CLASP1: variants seen among roughly 807,000 people sequenced by gnomAD.
The protein encoded by CLASP1 is CLIP-associating protein 1.
A neutral mutation model predicts 192.3 loss-of-function variants in CLASP1; 38 were observed. The ratio of observed to expected loss-of-function variants is 0.20; its 90% CI spans 0.15 to 0.26. The LOEUF is 0.26. CLASP1 is among the 10% of genes least tolerant of loss of function. The pLI, the probability that CLASP1 is intolerant of heterozygous loss-of-function variation, is 1.00. For missense variants in CLASP1, 1,433 were observed against 1,932.5 expected (o/e 0.74, Z 4.85); for synonymous variants, 691 against 712.8 (o/e 0.97, Z 0.49).
At chr2:121,564,651 T>C (rs189019423) in intron 2 of CLASP1, among the ~76,000 whole-genome samples, 31 of 152,252 alleles carry the variant, frequency 2.0e-4, no homozygotes, top group African/African-American at 7.2e-4. Flanking sequence ...AAGCACACAT[T>C]TTCATCAACT....
At chr2:121,620,069 A>G (rs1329890415) in intron 1 of CLASP1, among the ~76,000 whole-genome samples, 1 of 151,938 alleles carries the variant, frequency 6.6e-6, no homozygotes, top group African/African-American at 2.4e-5. Context: ...TAAAAATATG[A>G]AAAGTAGCCG....
At chr2:121,528,193 G>A (rs2104690982) in intron 4 of CLASP1, among the ~76,000 whole-genome samples, 1 of 152,302 alleles carries the variant, frequency 6.6e-6, no homozygotes, top group Middle Eastern at 3.4e-3. Context: ...AAAGGAGCTA[G>A]TGAGTTGCCA....
At chr2:121,350,840 G>A (rs758845930) in intron 37 of CLASP1, among the ~76,000 whole-genome samples, 1 of 152,144 alleles carries the variant, frequency 6.6e-6, no homozygotes, top group African/African-American at 2.4e-5. Context: ...CTCTCAGGGC[G>A]GTAAGATAAT....
chr2:121,427,669 A>G (rs879782820), intron 20 of CLASP1, among the ~76,000 whole-genome samples: 6 of 152,238 alleles, frequency 3.9e-5, no homozygotes, highest in Non-Finnish European at 7.3e-5. Flanking sequence ...ACAATGTGCC[A>G]GGCTCACATC....
At chr2:121,341,774 C>T (rs1245733431) in intron 39 of CLASP1, among the ~76,000 whole-genome samples, 1 of 152,206 alleles carries the variant, frequency 6.6e-6, no homozygotes, top group Non-Finnish European at 1.5e-5. Context: ...GATAAACCAA[C>T]TTGATCTAAC....
chr2:121,569,600 C>A (rs1304772500), intron 2 of CLASP1, among the ~76,000 whole-genome samples: 1 of 152,164 alleles, frequency 6.6e-6, no homozygotes, highest in African/African-American at 2.4e-5. Context: ...CACCTGTAAT[C>A]CCAGCACTTT....
intron 2 of CLASP1, among the ~76,000 whole-genome samples, chr2:121,582,657 G>A (rs1172030886): frequency 6.6e-6 from 1 of 151,430 alleles, no homozygotes; most frequent in African/African-American, 2.4e-5. Flanking sequence ...GGGAGAGAGA[G>A]GGAGAAAGTC....
intron 39 of CLASP1, among the ~76,000 whole-genome samples, chr2:121,343,481 G>C (rs1221497018): frequency 1.3e-5 from 2 of 152,198 alleles, no homozygotes. Context: ...TGGACATTCA[G>C]TCTTGAAAAG....
chr2:121,425,205 T>C, exon 22 of CLASP1: 1 of 1,613,508 alleles, frequency 6.2e-7, no homozygotes, highest in Non-Finnish European at 8.5e-7. Context: ...TTGCTTCGCT[T>C]TTCTGAAGAC....
chr2:121,384,085 T>C (rs2072546413), intron 32 of CLASP1, among the ~76,000 whole-genome samples: 2 of 137,766 alleles, frequency 1.5e-5, no homozygotes, highest in Non-Finnish European at 3.3e-5. Flanking sequence ...CACATATATA[T>C]GTATATATAC....
chr2:121,350,082 T>C (rs1281942356), intron 37 of CLASP1, among the ~76,000 whole-genome samples: 1 of 152,214 alleles, frequency 6.6e-6, no homozygotes, highest in East Asian at 1.9e-4. Flanking sequence ...TATACGCACA[T>C]GGATTTTCTT....
chr2:121,529,181 T>G (rs8179877), intron 3 of CLASP1, among the ~76,000 whole-genome samples: 5,848 of 152,226 alleles, frequency 0.038, 159 homozygotes, highest in East Asian at 0.14. Flanking sequence ...GAATAAATCT[T>G]AAGTTTCATC....
In CLASP1 at chr2:121,467,468, T is replaced by C. The variant is rs143211333; in HGVS notation, c.865+2340A>G. Among the ~76,000 whole-genome samples the C allele has an allele frequency of 1.5e-3, 227 of 152,288 alleles. 1 individual carries two copies. The highest frequency in any genetic ancestry group is 7.1e-3 in the South Asian group (34 of 4,818). ...CTTTTTCTCCACAACCTCGCCAGCA[T>C]CTATTGTTTTTCTGAATTTTTAATA... On this transcript the variant is annotated intron_variant, in intron 9 of 39. Transcript: ENST00000263710.
intron 8 of CLASP1, among the ~76,000 whole-genome samples, chr2:121,474,058 T>C (rs1022186102): frequency 9.9e-5 from 15 of 152,198 alleles, no homozygotes; most frequent in Non-Finnish European, 1.5e-4. Flanking sequence ...TCTCCTCATA[T>C]TTTATTATTT....
At chr2:121,620,409 G>C (rs1363726910) in intron 1 of CLASP1, among the ~76,000 whole-genome samples, 1 of 151,770 alleles carries the variant, frequency 6.6e-6, no homozygotes, top group Non-Finnish European at 1.5e-5. Flanking sequence ...GAGTGCAGTG[G>C]CGCAATCTTG....
At chr2:121,531,081 A>C (rs1250814494) in intron 2 of CLASP1, 2 of 682,270 alleles carry the variant, frequency 2.9e-6, no homozygotes. Flanking sequence ...TTTGTGGTTA[A>C]ACCAGTAGAG....
At chr2:121,478,744 ACACACACCACACACACACCACACACCC>A (rs2092059795) in intron 8 of CLASP1, among the ~76,000 whole-genome samples, 2 of 49,330 alleles carry the variant, frequency 4.1e-5, no homozygotes, top group African/African-American at 7.7e-5. Context: ...CACACACCCC[ACACACACCACACACACACCACACACCC>A]CACACACACA....
chr2:121,412,335 T>C (rs1033090986), intron 23 of CLASP1, among the ~76,000 whole-genome samples: 3 of 152,200 alleles, frequency 2.0e-5, no homozygotes, highest in African/African-American at 7.2e-5. Flanking sequence ...TTAACCATTA[T>C]GTTTAAAAGG....
chr2:121,450,158 T>C (rs768010074), intron 16 of CLASP1, among the ~76,000 whole-genome samples: 3 of 151,914 alleles, frequency 2.0e-5, no homozygotes, highest in African/African-American at 4.8e-5. Context: ...GGTGAAACCA[T>C]GTGTCTACTA....
Sources: gnomAD v4.1 joint callset for allele counts (sites outside exome capture counted in the v4.1 genomes callset) on GRCh38, gnomAD v4.1.1 for gene constraint, MANE v1.5 for transcripts, NCBI Gene and HGNC (gene_info 2026-07-23, HGNC 2026-07-21) for gene names.